CTNNA2: variants seen among roughly 807,000 people sequenced by gnomAD.
The protein encoded by CTNNA2 is catenin alpha-2.
A neutral mutation model predicts 101.0 loss-of-function variants in CTNNA2; 42 were observed. The ratio of observed to expected loss-of-function variants is 0.42; its 90% CI spans 0.32 to 0.54. The LOEUF is 0.54. CTNNA2 is among the 20% of genes least tolerant of loss of function. The pLI is 0.14. For synonymous variants in CTNNA2, 450 were observed against 456.4 expected, an observed-to-expected ratio of 0.99 and a Z score of 0.18; for missense variants, 871 against 1,223.1, an observed-to-expected ratio of 0.71 and a Z score of 4.29.
chr2:80,278,939 T>A (rs958810935), intron 7 of CTNNA2, among the ~76,000 whole-genome samples: 1 of 152,062 alleles, frequency 6.6e-6, no homozygotes, highest in African/African-American at 2.4e-5. Flanking sequence ...CACTCTAGCC[T>A]GGGTGACAAA....
At chr2:80,453,907 C>G (rs574569479) in intron 9 of CTNNA2, among the ~76,000 whole-genome samples, 3 of 152,062 alleles carry the variant, frequency 2.0e-5, no homozygotes, top group South Asian at 4.1e-4. Flanking sequence ...TACCAGCTGT[C>G]CTAGCTGCTG....
rs140401989 is a variant in CTNNA2 at position 79,696,692 on chromosome 2, C to T, written c.102+45034C>T. On this transcript the variant is annotated intron_variant, in intron 2 of 18. Coordinates refer to ENST00000402739, the MANE Select transcript of CTNNA2 (RefSeq NM_001282597.3). Reference sequence around the variant, plus strand: ...AGGGAGGATGCTTCTTTGGTTTTAGCGATAGGGAATTGGCAATGAAAATGA... The same window carrying T: ...AGGGAGGATGCTTCTTTGGTTTTAGTGATAGGGAATTGGCAATGAAAATGA... Among the ~76,000 whole-genome samples, 680 of 152,006 alleles carry T rather than the reference C, an allele frequency of 4.5e-3. 6 individuals carry two copies. Among genetic ancestry groups the T allele is most frequent in the African/African-American group, 0.016 (657 of 41,504 alleles).
chr2:79,322,457 G>A (rs1428038932), intron 3 of CTNNA2, among the ~76,000 whole-genome samples: 2 of 152,148 alleles, frequency 1.3e-5, no homozygotes, highest in Non-Finnish European at 2.9e-5. Flanking sequence ...TCTCACATCA[G>A]TTACTTACGG....
intron 9 of CTNNA2, among the ~76,000 whole-genome samples, chr2:80,470,971 G>C (rs1181024228): frequency 1.3e-5 from 2 of 152,158 alleles, no homozygotes; most frequent in Non-Finnish European, 2.9e-5. Flanking sequence ...TGGAGTGGAG[G>C]GGGGTTTCCA....
intron 4 of CTNNA2, among the ~76,000 whole-genome samples, chr2:79,395,849 C>T (rs1193576069): frequency 1.3e-5 from 2 of 152,116 alleles, no homozygotes; most frequent in Non-Finnish European, 2.9e-5. Context: ...GTCACCCAGG[C>T]TGGAGTGCTG....
At position 80,581,006 on chromosome 2, in the gene CTNNA2, AC is replaced by A. The variant is rs1695489399; in HGVS notation, c.1894-697del. 2.5e-5 allele frequency among the ~76,000 whole-genome samples: 3 copies of A among 122,024 alleles called. No individual in the cohort carries two copies. The South Asian group carries it at 7.1e-4, about 29-fold the overall frequency. The allele number at this position is 122,024 out of a possible 152,430, so 80.1% of individuals were successfully genotyped here. A position where few individuals can be genotyped will look rare whatever the true frequency, so the allele number is the denominator to read the frequency against. On this transcript the variant is annotated intron_variant, in intron 13 of 18. Transcript: ENST00000402739. ...ACTCCAGCCTGGGCTACACAGTGAG[AC>A]CCTGTCTCAAAACAACAAACCCTAA...
intron 4 of CTNNA2, among the ~76,000 whole-genome samples, chr2:79,478,036 A>C (rs1671069603): frequency 6.6e-6 from 1 of 152,190 alleles, no homozygotes; most frequent in Non-Finnish European, 1.5e-5. Flanking sequence ...CATATTAGTA[A>C]AACTTCCAAA....
At chr2:79,314,497 G>A (rs1352613548) in intron 3 of CTNNA2, among the ~76,000 whole-genome samples, 1 of 152,208 alleles carries the variant, frequency 6.6e-6, no homozygotes, top group African/African-American at 2.4e-5. Context: ...GGAGGGTGGG[G>A]TGCAGTGCAC....
chr2:80,016,216 T>C (rs1277258841), intron 7 of CTNNA2, among the ~76,000 whole-genome samples: 1 of 152,250 alleles, frequency 6.6e-6, no homozygotes, highest in Non-Finnish European at 1.5e-5. Flanking sequence ...TATTACCTTT[T>C]AAGGGCAACA....
At chr2:79,395,988 A>T (rs771273720) in intron 4 of CTNNA2, among the ~76,000 whole-genome samples, 4 of 152,124 alleles carry the variant, frequency 2.6e-5, no homozygotes, top group Non-Finnish European at 5.9e-5. Context: ...GGGAGTTATT[A>T]TATTTCACAT....
In CTNNA2 at chr2:79,835,680, T is replaced by G. The variant is rs796166085; in HGVS notation, c.299-22333T>G. ...GGCCTCTCTTTGTTTTTTTTTTTTT[T>G]TTTTTTTTTTTTTTTTTTTTTTTGA... On this transcript the variant is annotated intron_variant, in intron 3 of 18. Coordinates refer to ENST00000402739, the MANE Select transcript of CTNNA2 (RefSeq NM_001282597.3). 6.7e-4 allele frequency among the ~76,000 whole-genome samples: 83 copies of G among 123,366 alleles called. 1 individual carries two copies. The highest frequency in any genetic ancestry group is 2.8e-3 in the African/African-American group (78 of 28,294). The allele number at this position is 123,366 out of a possible 152,430, so 80.9% of individuals were successfully genotyped here. A position where few individuals can be genotyped will look rare whatever the true frequency, so the allele number is the denominator to read the frequency against.
intron 2 of CTNNA2, among the ~76,000 whole-genome samples, chr2:79,202,331 TTTTA>T (rs1361683968): frequency 1.2e-4 from 15 of 125,060 alleles, no homozygotes; most frequent in Middle Eastern, 4.4e-3. Context: ...ACACTTGTTT[TTTTA>T]TTTTTTTTAT....
chr2:79,603,287 C>T (rs1677666104), intron 1 of CTNNA2, among the ~76,000 whole-genome samples: 1 of 152,078 alleles, frequency 6.6e-6, no homozygotes. Flanking sequence ...AAAAGTGTAA[C>T]ATTTTAGAGA....
At chr2:79,452,276 T>C (rs1198063091) in intron 4 of CTNNA2, among the ~76,000 whole-genome samples, 1 of 151,950 alleles carries the variant, frequency 6.6e-6, no homozygotes, top group Admixed American at 6.6e-5. Context: ...ATCCAGCCAA[T>C]AATCACACTT....
Position 80,303,316 on chromosome 2 carries a change from C to T in CTNNA2, c.1057-89895C>T, listed in dbSNP as rs1382047646. ...GCACAAACTGGATGGCGTTGGCCCG[C>T]ATATGCAGCGTGGTGAGCTTCCGCA... On this transcript the variant is annotated intron_variant, in intron 7 of 18. Transcript: ENST00000402739. This position sits in a 1 kb window ranked among gnomAD's most constrained non-coding sequence, Gnocchi z 7.7. 3.1e-6 allele frequency: 5 copies of T among 1,613,812 alleles called. No homozygotes were observed. The highest frequency in any genetic ancestry group is 1.1e-5 in the South Asian group (1 of 91,086).
chr2:79,739,134 A>C (rs1671107906), intron 2 of CTNNA2, among the ~76,000 whole-genome samples: 1 of 151,214 alleles, frequency 6.6e-6, no homozygotes, highest in South Asian at 2.1e-4. Context: ...GATAGGAAAG[A>C]AGAATGTGTG....
intron 4 of CTNNA2, among the ~76,000 whole-genome samples, chr2:79,377,355 G>C (rs1045797816): frequency 6.6e-6 from 1 of 152,174 alleles, no homozygotes; most frequent in African/African-American, 2.4e-5. Flanking sequence ...ATACTATGCT[G>C]TACAAGGTCC....
chr2:80,425,783 G>C (rs1680937417), intron 9 of CTNNA2, among the ~76,000 whole-genome samples: 1 of 151,776 alleles, frequency 6.6e-6, no homozygotes, highest in Admixed American at 6.6e-5. Context: ...TGAAGTGATT[G>C]GGCCCTTTTA....
intron 7 of CTNNA2, among the ~76,000 whole-genome samples, chr2:80,224,262 T>C (rs1708743313): frequency 1.3e-5 from 2 of 152,128 alleles, no homozygotes; most frequent in Non-Finnish European, 2.9e-5. Flanking sequence ...GCACCCACCC[T>C]TACCCTCTTC....
Sources: gnomAD v4.1 joint callset for allele counts (sites outside exome capture counted in the v4.1 genomes callset) on GRCh38, gnomAD v4.1.1 for gene constraint, Gnocchi (gnomAD v3.1) non-coding constraint, MANE v1.5 for transcripts, NCBI Gene and HGNC (gene_info 2026-07-23, HGNC 2026-07-21) for gene names.